SRPK2: variants seen among roughly 807,000 people sequenced by gnomAD.
SRPK2 encodes SFRS protein kinase 2.
In SRPK2, 21 loss-of-function variants were observed where a neutral mutation model predicts 90.8. The observed-to-expected ratio is 0.23, with a 90% CI of 0.16 to 0.33. The LOEUF (loss-of-function observed/expected upper bound fraction) is 0.33, where lower values mean the gene tolerates loss of function less well. Ranked by LOEUF, SRPK2 falls within the 10% of genes least tolerant of loss-of-function variation. SRPK2 has a pLI of 1.00. For missense variants in SRPK2, 620 were observed against 869.0 expected (o/e 0.71, Z 3.60); for synonymous variants, 288 against 311.1 (o/e 0.93, Z 0.78).
intron 2 of SRPK2, among the ~76,000 whole-genome samples, chr7:105,290,706 T>A (rs889856539): frequency 6.6e-6 from 1 of 152,086 alleles, no homozygotes; most frequent in Non-Finnish European, 1.5e-5. Context: ...GGCACACGTC[T>A]ATACTACCAG....
chr7:105,273,198 G>A (rs1441042792), intron 2 of SRPK2, among the ~76,000 whole-genome samples: 1 of 151,150 alleles, frequency 6.6e-6, no homozygotes, highest in East Asian at 2.0e-4. Flanking sequence ...CTGGGTGACA[G>A]AGAGAGACTC....
chr7:105,316,535 A>G (rs186935044), intron 2 of SRPK2, among the ~76,000 whole-genome samples: 1 of 152,316 alleles, frequency 6.6e-6, no homozygotes, highest in East Asian at 1.9e-4. Context: ...TGTAACTCTG[A>G]CAATATTTTT....
chr7:105,167,837 T>C (rs1441060722), intron 5 of SRPK2, among the ~76,000 whole-genome samples, 171 bp downstream of exon 5: 1 of 152,098 alleles, frequency 6.6e-6, no homozygotes, highest in Admixed American at 6.6e-5. Flanking sequence ...TCTCGAACTC[T>C]TGACCTCAAG....
intron 2 of SRPK2, among the ~76,000 whole-genome samples, chr7:105,205,503 TCTCTCTCTCTCTCTCACACACACA>T (rs1796078776): frequency 1.6e-5 from 1 of 64,442 alleles, no homozygotes; most frequent in Non-Finnish European, 3.0e-5. Context: ...TCATTCTCTC[TCTCTCTCTCTCTCTCACACACACA>T]CACACACACA....
intron 2 of SRPK2, among the ~76,000 whole-genome samples, chr7:105,369,857 G>A (rs1819505537): frequency 6.6e-6 from 1 of 152,008 alleles, no homozygotes; most frequent in South Asian, 2.1e-4. Flanking sequence ...GAGAAACCCC[G>A]TCTCTACTAA....
chr7:105,123,885 C>A (rs1288416342), intron 15 of SRPK2, among the ~76,000 whole-genome samples: 1 of 152,160 alleles, frequency 6.6e-6, no homozygotes, highest in Non-Finnish European at 1.5e-5. Context: ...ACTCGAGGTA[C>A]CACAGGAACA....
chr7:105,170,745 GAGGAAGGAAGGAAGGA>G (rs534732760), intron 3 of SRPK2, among the ~76,000 whole-genome samples: 1 of 45,602 alleles, frequency 2.2e-5, no homozygotes, highest in Admixed American at 2.8e-4. Context: ...GGAAGAAAGG[GAGGAAGGAAGGAAGGA>G]AGGAAGGAAG....
At chr7:105,147,210 G>A (rs1285160107) in intron 7 of SRPK2, among the ~76,000 whole-genome samples, 2 of 152,156 alleles carry the variant, frequency 1.3e-5, no homozygotes, top group Non-Finnish European at 2.9e-5. Flanking sequence ...TAAGGATTCT[G>A]ATCAACAGTA....
intron 2 of SRPK2, among the ~76,000 whole-genome samples, chr7:105,315,346 A>T (rs1483387998): frequency 6.6e-6 from 1 of 152,236 alleles, no homozygotes; most frequent in East Asian, 1.9e-4. Context: ...ATTAAAAACT[A>T]GTTTGAGATG....
chr7:105,330,523 G>A (rs1178054034), intron 2 of SRPK2, among the ~76,000 whole-genome samples: 2 of 151,948 alleles, frequency 1.3e-5, no homozygotes, highest in Non-Finnish European at 2.9e-5. Flanking sequence ...ATAAACATTC[G>A]CCTTAATACT....
chr7:105,135,307 TA>T (rs1449420780), intron 11 of SRPK2, among the ~76,000 whole-genome samples: 2 of 152,034 alleles, frequency 1.3e-5, no homozygotes, highest in East Asian at 3.9e-4. Context: ...CCGAAGACAC[TA>T]AAAACCCAAA....
chr7:105,153,515 G>A (rs1238413962), intron 7 of SRPK2, among the ~76,000 whole-genome samples: 2 of 152,104 alleles, frequency 1.3e-5, no homozygotes, highest in East Asian at 1.9e-4. Context: ...ATAAGTCGGG[G>A]AACAGTCAAG....
At chr7:105,371,831 T>TATGTTCTAAA (rs1819725479) in intron 2 of SRPK2, among the ~76,000 whole-genome samples, 1 of 152,058 alleles carries the variant, frequency 6.6e-6, no homozygotes, top group African/African-American at 2.4e-5. Flanking sequence ...TCTAAAAACA[T>TATGTTCTAAA]AATTAAAAAA....
At chr7:105,219,398 T>C (rs773690510) in intron 2 of SRPK2, among the ~76,000 whole-genome samples, 1 of 152,132 alleles carries the variant, frequency 6.6e-6, no homozygotes, top group Non-Finnish European at 1.5e-5. Flanking sequence ...AGAAACTAAA[T>C]AGCCCCACTC....
At chr7:105,225,052 C>T (rs1407139222) in intron 2 of SRPK2, among the ~76,000 whole-genome samples, 1 of 152,090 alleles carries the variant, frequency 6.6e-6, no homozygotes, top group Non-Finnish European at 1.5e-5. Flanking sequence ...GTAAGCCAGG[C>T]GCAGTGGCAC....
intron 2 of SRPK2, among the ~76,000 whole-genome samples, chr7:105,256,093 C>T (rs1803260572): frequency 6.6e-6 from 1 of 152,120 alleles, no homozygotes; most frequent in African/African-American, 2.4e-5. Flanking sequence ...CAGAAAAATC[C>T]AGAGACACAC....
chr7:105,247,146 T>C (rs762103623), intron 2 of SRPK2, among the ~76,000 whole-genome samples: 1 of 152,178 alleles, frequency 6.6e-6, no homozygotes, highest in Non-Finnish European at 1.5e-5. Context: ...CAAGGCCACA[T>C]AGTAACAAAC....
chr7:105,197,716 G>A (rs999150665), intron 3 of SRPK2, among the ~76,000 whole-genome samples: 4 of 152,172 alleles, frequency 2.6e-5, no homozygotes, highest in South Asian at 2.1e-4. Context: ...TTGGGGATGC[G>A]GGGGACAATA....
intron 2 of SRPK2, among the ~76,000 whole-genome samples, chr7:105,253,134 C>T (rs1428333461): frequency 2.0e-5 from 3 of 152,176 alleles, no homozygotes; most frequent in Non-Finnish European, 4.4e-5. Flanking sequence ...AGGTCAATCA[C>T]CTGTCTTTAG....
Sources: gnomAD v4.1 joint callset for allele counts (sites outside exome capture counted in the v4.1 genomes callset) on GRCh38, gnomAD v4.1.1 for gene constraint, MANE v1.5 for transcripts, NCBI Gene and HGNC (gene_info 2026-07-23, HGNC 2026-07-21) for gene names.